VPS13B: variants seen among roughly 807,000 people sequenced by gnomAD.
VPS13B encodes intermembrane lipid transfer protein VPS13B.
In VPS13B, 285 loss-of-function variants were observed where a neutral mutation model predicts 426.4. The observed-to-expected ratio is 0.67, with a 90% CI of 0.61 to 0.74. The LOEUF (loss-of-function observed/expected upper bound fraction) is 0.74, where lower values mean the gene tolerates loss of function less well. VPS13B is among the 30% of genes least tolerant of loss of function. The probability of loss-of-function intolerance (pLI) is 0.00; values close to 1 mark genes in which losing one functional copy is unlikely to be tolerated. For synonymous variants in VPS13B, 1,676 were observed against 1,676.4 expected, an observed-to-expected ratio of 1.00 and a Z score of 0.01; for missense variants, 4,537 against 4,782.6, an observed-to-expected ratio of 0.95 and a Z score of 1.51.
At chr8:99,717,113 TC>T (rs1832956327) in intron 36 of VPS13B, 57 bp from the exon 37 acceptor site, 2 of 1,492,650 alleles carry the variant, frequency 1.3e-6, no homozygotes, top group East Asian at 2.3e-5. Flanking sequence ...GATAGTTCTT[TC>T]CCAAACATTT....
At chr8:99,229,620 A>G (rs888422938) in intron 17 of VPS13B, among the ~76,000 whole-genome samples, 1 of 152,178 alleles carries the variant, frequency 6.6e-6, no homozygotes, top group Non-Finnish European at 1.5e-5. Flanking sequence ...AGAATTTTCT[A>G]AGCAAACAGA....
In VPS13B at chr8:99,556,533, A is replaced by G. The variant is rs201587931; in HGVS notation, c.4829A>G (p.Asn1610Ser). 110 of 1,613,272 alleles carry G rather than the reference A, an allele frequency of 6.8e-5. No homozygotes were observed. The highest frequency in any genetic ancestry group is 3.2e-5 in the Non-Finnish European group (38 of 1,179,614). The change falls in exon 31 of 62, where the codon AAT (asparagine) becomes AGT (serine). Residue 1610 changes from asparagine (N) to serine (S), a missense_variant. Asn to Ser is a conservative substitution (Grantham distance 46). Coordinates refer to ENST00000357162, the MANE Select transcript of VPS13B (RefSeq NM_152564.5). ...RQYQIDLQSINIGTAQWHQLK... is the reference protein window; with the variant it reads ...RQYQIDLQSISIGTAQWHQLK... ...TACCAAATAGATCTGCAGTCCATCAATATTGGTACTGCACAGTGGCATCAA... is the reference window on the plus strand; with the variant it reads ...TACCAAATAGATCTGCAGTCCATCAGTATTGGTACTGCACAGTGGCATCAA...
chr8:99,185,757 G>T (rs1813188132), intron 16 of VPS13B, among the ~76,000 whole-genome samples: 1 of 152,084 alleles, frequency 6.6e-6, no homozygotes, highest in African/African-American at 2.4e-5. Context: ...TAATTTCTTT[G>T]CATCGAGTAG....
At chr8:99,236,952 G>A (rs763845400) in intron 17 of VPS13B, among the ~76,000 whole-genome samples, 3 of 152,178 alleles carry the variant, frequency 2.0e-5, no homozygotes, top group Admixed American at 6.5e-5. Context: ...CCCACGTGTC[G>A]TGGGAGGGAC....
chr8:99,817,874 G>T, intron 45 of VPS13B, 71 bp downstream of exon 45: 4 of 1,606,436 alleles, frequency 2.5e-6, no homozygotes, highest in South Asian at 2.2e-5. Flanking sequence ...TTCTTTACTC[G>T]TACAGCACTT....
chr8:99,066,842 A>T (rs1408653244), intron 3 of VPS13B, among the ~76,000 whole-genome samples: 1 of 152,242 alleles, frequency 6.6e-6, no homozygotes, highest in Non-Finnish European at 1.5e-5. Flanking sequence ...GGCAAAGGAC[A>T]GACACTTCTC....
In VPS13B at chr8:99,156,566, G is replaced by A; in HGVS notation, c.2031G>A (p.Met677Ile). 2 of 1,613,938 alleles carry A rather than the reference G, an allele frequency of 1.2e-6. No homozygotes were observed. Among genetic ancestry groups the A allele is most frequent in the Non-Finnish European group, 1.7e-6 (2 of 1,179,886 alleles). The change falls in exon 15 of 62, where the codon ATG becomes ATA. Residue 677 changes from methionine to isoleucine, a missense_variant. Met to Ile is a conservative substitution (Grantham distance 10). Coordinates refer to ENST00000357162, the MANE Select transcript of VPS13B (RefSeq NM_152564.5). The stretch of plus-strand genomic sequence containing the variant: ...TTTTCTAGAACTCAAGTAACTTCAT[G>A]AATACTACAAACTTCCAGTCTCTTC... ...IMGEKNSSNF[M>I]NTTNFQSLRP...
At chr8:99,206,778 A>G (rs1236966095) in intron 17 of VPS13B, among the ~76,000 whole-genome samples, 1 of 152,128 alleles carries the variant, frequency 6.6e-6, no homozygotes, top group Non-Finnish European at 1.5e-5. Flanking sequence ...TTCTTTAATC[A>G]CTTAGGAAAA....
At chr8:99,361,845 C>T (rs575693692) in intron 19 of VPS13B, among the ~76,000 whole-genome samples, 1 of 152,246 alleles carries the variant, frequency 6.6e-6, no homozygotes, top group African/African-American at 2.4e-5. Flanking sequence ...GTAGCTATTA[C>T]TTTTTAAGTT....
intron 21 of VPS13B, among the ~76,000 whole-genome samples, chr8:99,416,268 C>G (rs962541187): frequency 1.3e-5 from 2 of 152,134 alleles, no homozygotes; most frequent in African/African-American, 2.4e-5. Context: ...CCCCGCCCCC[C>G]CACCAAGCTC....
At chr8:99,588,516 T>C (rs1826429369) in intron 33 of VPS13B, among the ~76,000 whole-genome samples, 1 of 151,708 alleles carries the variant, frequency 6.6e-6, no homozygotes, top group Non-Finnish European at 1.5e-5. Context: ...GTAGTTCTGC[T>C]TGAAGAGGTC....
chr8:99,049,646 T>C (rs1261668227), intron 3 of VPS13B, among the ~76,000 whole-genome samples: 1 of 152,122 alleles, frequency 6.6e-6, no homozygotes, highest in Non-Finnish European at 1.5e-5. Context: ...ACAGTGTGCC[T>C]AGGCGATGAT....
At chr8:99,303,480 A>T (rs1197128725) in intron 19 of VPS13B, among the ~76,000 whole-genome samples, 1 of 151,702 alleles carries the variant, frequency 6.6e-6, no homozygotes, top group African/African-American at 2.4e-5. Context: ...AATGTTTTAA[A>T]TCTTTTAAAG....
intron 16 of VPS13B, among the ~76,000 whole-genome samples, chr8:99,183,276 A>G (rs1045151657): frequency 5.3e-5 from 8 of 152,190 alleles, no homozygotes; most frequent in African/African-American, 1.7e-4. Flanking sequence ...CTGCTGCTCT[A>G]TTGACGGTAT....
chr8:99,379,090 A>G (rs1406262158), intron 19 of VPS13B, among the ~76,000 whole-genome samples: 1 of 152,184 alleles, frequency 6.6e-6, no homozygotes, highest in Non-Finnish European at 1.5e-5. Flanking sequence ...CGCAAACCCT[A>G]TTATGAATTG....
At chr8:99,409,493 A>G (rs1815504932) in intron 21 of VPS13B, among the ~76,000 whole-genome samples, 1 of 152,130 alleles carries the variant, frequency 6.6e-6, no homozygotes. Flanking sequence ...AGATATTTAA[A>G]TCATACATTC....
intron 20 of VPS13B, among the ~76,000 whole-genome samples, chr8:99,385,171 C>A (rs1335150608): frequency 3.3e-5 from 5 of 152,096 alleles, no homozygotes; most frequent in Non-Finnish European, 7.4e-5. Context: ...ATAATTCTGA[C>A]AGTTTTATTA....
intron 22 of VPS13B, among the ~76,000 whole-genome samples, chr8:99,436,837 T>C (rs777042606): frequency 3.1e-4 from 47 of 151,882 alleles, no homozygotes; most frequent in Non-Finnish European, 5.6e-4. Flanking sequence ...CTCCCAGGTT[T>C]ATGCCATTCT....
chr8:99,316,508 T>C (rs778514592), intron 19 of VPS13B, among the ~76,000 whole-genome samples: 8 of 152,112 alleles, frequency 5.3e-5, no homozygotes, highest in Non-Finnish European at 1.0e-4. Context: ...CTATGTTAGT[T>C]TCAGGGGCCT....
Sources: allele counts gnomAD v4.1 joint callset (sites outside exome capture counted in the v4.1 genomes callset), GRCh38; gene constraint gnomAD v4.1.1; transcripts MANE v1.5; gene names NCBI Gene and HGNC (gene_info 2026-07-23, HGNC 2026-07-21).